The following FAM24B variants were observed in gnomAD, a reference collection of about 807,000 sequenced individuals.
FAM24B encodes protein FAM24B.
Under a neutral mutation model 2.3 loss-of-function variants are expected in FAM24B, and 3 were observed. The ratio of observed to expected loss-of-function variants is 1.29; its 90% CI spans 0.59 to 3.32. The LOEUF (loss-of-function observed/expected upper bound fraction) is 3.32, where lower values mean the gene tolerates loss of function less well. Among genes scored for constraint, FAM24B ranks in the 30% most tolerant of loss-of-function variants. The pLI, the probability that FAM24B is intolerant of heterozygous loss-of-function variation, is 0.03. For missense variants in FAM24B, 98 were observed against 117.2 expected, an observed-to-expected ratio of 0.84 and a Z score of 0.76; for synonymous variants, 36 against 46.3, an observed-to-expected ratio of 0.78 and a Z score of 0.90.
intron 2 of FAM24B, among the ~76,000 whole-genome samples, chr10:122,852,268 G>A (rs557043009): frequency 1.3e-5 from 2 of 152,334 alleles, no homozygotes; most frequent in Non-Finnish European, 2.9e-5. Flanking sequence ...GGTGAATACA[G>A]AGAATCCCAG....
intron 1 of FAM24B, among the ~76,000 whole-genome samples, chr10:122,857,669 G>A (rs1342263599): frequency 2.0e-5 from 3 of 152,110 alleles, no homozygotes; most frequent in South Asian, 4.1e-4. Flanking sequence ...CTGTTTCCTT[G>A]TATTTCTCTA....
chr10:122,850,487 G>T lies in FAM24B; in HGVS notation c.29C>A (p.Ala10Glu), dbSNP rs750572967. The T allele has an allele frequency of 6.2e-7, 1 of 1,613,794 alleles. No individual in the cohort carries two copies. Among genetic ancestry groups the T allele is most frequent in the East Asian group, 2.2e-5 (1 of 44,870 alleles). Residue 10 changes from alanine (A) to glutamate (E), a missense_variant, in exon 3 of 4, where the codon GCG (alanine) becomes GAG (glutamate). Ala to Glu is a moderately radical substitution (Grantham distance 107). Coordinates refer to ENST00000368898, the MANE Select transcript of FAM24B (RefSeq NM_152644.3). ...GACAACTATCAGCAGGAGCAAGGCC[G>T]CCAGGATACCACCAGCGATGACAGG... Reference protein sequence around the residue: MPVIAGGILAALLLLIVVVL... With the variant: MPVIAGGILEALLLLIVVVL...
chr10:122,853,539 G>A (rs115687951), intron 2 of FAM24B, among the ~76,000 whole-genome samples: 48 of 152,154 alleles, frequency 3.2e-4, no homozygotes, highest in African/African-American at 1.0e-3. Flanking sequence ...TCTCCCTCCC[G>A]TGTTAATTGC....
At chr10:122,862,547 C>A (rs1267957351) in intron 1 of FAM24B, among the ~76,000 whole-genome samples, 2 of 152,046 alleles carry the variant, frequency 1.3e-5, no homozygotes, top group Non-Finnish European at 2.9e-5. Flanking sequence ...CTATAATAAA[C>A]ATGTACTGTT....
At chr10:122,865,343 A>G (rs1847787099) in intron 1 of FAM24B, among the ~76,000 whole-genome samples, 1 of 152,120 alleles carries the variant, frequency 6.6e-6, no homozygotes, top group African/African-American at 2.4e-5. Context: ...AATTTTCTCA[A>G]ATCCTCTTTT....
At chr10:122,869,351 C>T (rs1809770538) in intron 1 of FAM24B, among the ~76,000 whole-genome samples, 1 of 152,160 alleles carries the variant, frequency 6.6e-6, no homozygotes, top group Admixed American at 6.5e-5. Flanking sequence ...TTTAACACCC[C>T]ACTGTCAACA....
At chr10:122,849,507 T>C (rs1486531978) in intron 3 of FAM24B, 68 bp from the exon 4 acceptor site, 10 of 1,443,872 alleles carry the variant, frequency 6.9e-6, no homozygotes, top group Non-Finnish European at 9.4e-6. Context: ...TTAGAACTGT[T>C]GGGGGGTATC....
chr10:122,864,598 T>G lies in FAM24B; in HGVS notation c.-177-8812A>C, dbSNP rs150861849. On this transcript the variant is annotated intron_variant, in intron 1 of 3. Transcript: ENST00000368898. ...TATTAACTAAGTTCGGTAATTTATA[T>G]TCAGTTTTCTCACTCTGTGTGTACA... is the stretch of plus-strand genomic sequence containing the variant. Among the ~76,000 whole-genome samples, 411 of 152,342 alleles carry G rather than the reference T, an allele frequency of 2.7e-3. 2 individuals carry two copies. Among genetic ancestry groups the G allele is most frequent in the African/African-American group, 9.6e-3 (399 of 41,592 alleles).
At chr10:122,879,452 GC>G (rs1486309425) in intron 1 of FAM24B, 32 bp downstream of exon 1, 1 of 152,336 alleles carries the variant, frequency 6.6e-6, no homozygotes, top group Non-Finnish European at 1.5e-5. Context: ...AGTCGGTCCT[GC>G]ACATCGCGTA....
chr10:122,850,723 T>C (rs1356410494), intron 2 of FAM24B, 173 bp from the exon 3 acceptor site: 10 of 484,224 alleles, frequency 2.1e-5, no homozygotes, highest in Non-Finnish European at 3.7e-5. Flanking sequence ...GGCCCAGAGA[T>C]GGAAAAAAAG....
intron 1 of FAM24B, among the ~76,000 whole-genome samples, chr10:122,872,176 C>T (rs1357619419): frequency 6.6e-6 from 1 of 152,158 alleles, no homozygotes; most frequent in African/African-American, 2.4e-5. Context: ...CCAAAAAACA[C>T]ATGAAAAAAT....
intron 1 of FAM24B, among the ~76,000 whole-genome samples, chr10:122,870,467 G>A (rs1354504631): frequency 2.6e-5 from 4 of 152,044 alleles, no homozygotes; most frequent in African/African-American, 4.8e-5. Context: ...ACCAAAGCCC[G>A]GCAGAGACAC....
chr10:122,877,476 T>C (rs1025981115), intron 1 of FAM24B, among the ~76,000 whole-genome samples: 2 of 152,040 alleles, frequency 1.3e-5, no homozygotes, highest in African/African-American at 4.8e-5. Context: ...GTGTCAGACA[T>C]GCAAAAAAAC....
At chr10:122,870,874 A>G (rs1269791361) in intron 1 of FAM24B, among the ~76,000 whole-genome samples, 1 of 152,224 alleles carries the variant, frequency 6.6e-6, no homozygotes, top group African/African-American at 2.4e-5. Flanking sequence ...GAAAACTGGC[A>G]CAAGACAGGG....
chr10:122,868,183 AG>A (rs2133837194), intron 1 of FAM24B, among the ~76,000 whole-genome samples: 2 of 152,326 alleles, frequency 1.3e-5, no homozygotes, highest in Non-Finnish European at 2.9e-5. Context: ...ACTGGAAGAA[AG>A]GGTATCAGCG....
intron 1 of FAM24B, among the ~76,000 whole-genome samples, chr10:122,874,007 AT>A: frequency 6.6e-6 from 1 of 152,278 alleles, no homozygotes; most frequent in South Asian, 2.1e-4. Context: ...ATTCTTTTAC[AT>A]TTGTTAAGGG....
At chr10:122,876,045 A>G (rs1847972114) in intron 1 of FAM24B, among the ~76,000 whole-genome samples, 1 of 152,256 alleles carries the variant, frequency 6.6e-6, no homozygotes, top group African/African-American at 2.4e-5. Context: ...AAGCATGTCA[A>G]CATGTAAGAC....
rs542211849 is a variant in FAM24B, at chr10:122,853,381, A to G, written c.-36+2264T>C. On this transcript the variant is annotated intron_variant, in intron 2 of 3. Coordinates refer to ENST00000368898, the MANE Select transcript of FAM24B (RefSeq NM_152644.3). ...TCTTTCCAGCCTCATCTCCCTCTCC[A>G]TTATCCCACACCCCATGTATTTTCA... is the stretch of plus-strand genomic sequence containing the variant. Among the ~76,000 whole-genome samples, 10 of 151,940 alleles carry G rather than the reference A, an allele frequency of 6.6e-5. No individual in the cohort carries two copies. In the South Asian group the frequency reaches 2.1e-3, roughly 32 times the overall value.
chr10:122,868,144 T>C (rs1385201141), intron 1 of FAM24B, among the ~76,000 whole-genome samples: 6 of 152,082 alleles, frequency 3.9e-5, no homozygotes, highest in Non-Finnish European at 7.4e-5. Context: ...ACGTGATAAA[T>C]GCACAAGCCT....
Sources: gnomAD v4.1 joint callset for allele counts (sites outside exome capture counted in the v4.1 genomes callset) on GRCh38, gnomAD v4.1.1 for gene constraint, MANE v1.5 for transcripts, NCBI Gene and HGNC (gene_info 2026-07-23, HGNC 2026-07-21) for gene names.